The following ERC2 variants were observed in gnomAD, a reference collection of about 807,000 sequenced individuals.
The protein encoded by ERC2 is ERC protein 2.
In ERC2, 42 loss-of-function variants were observed where a neutral mutation model predicts 114.8. The observed-to-expected ratio is 0.37, with a 90% CI of 0.29 to 0.47. The LOEUF (loss-of-function observed/expected upper bound fraction) is 0.47. ERC2 is among the 20% of genes least tolerant of loss of function. The pLI, the probability that ERC2 is intolerant of heterozygous loss-of-function variation, is 0.99. For missense variants in ERC2, 939 were observed against 1,150.7 expected (o/e 0.82, Z 2.66); for synonymous variants, 454 against 425.5 (o/e 1.07, Z -0.82).
chr3:55,976,909 G>A (rs1030379562), intron 12 of ERC2, among the ~76,000 whole-genome samples: 1 of 152,152 alleles, frequency 6.6e-6, no homozygotes, highest in Admixed American at 6.5e-5. Flanking sequence ...TGAGGAGGTG[G>A]GGCCTTTTGG....
intron 17 of ERC2, among the ~76,000 whole-genome samples, chr3:55,667,456 T>C (rs938701442): frequency 9.9e-5 from 15 of 152,246 alleles, no homozygotes. Flanking sequence ...AATTTCACTT[T>C]AAAACAAGAG....
chr3:55,865,409 T>C (rs1277787041), intron 14 of ERC2, among the ~76,000 whole-genome samples: 1 of 152,190 alleles, frequency 6.6e-6, no homozygotes, highest in Non-Finnish European at 1.5e-5. Flanking sequence ...CTATAACTCG[T>C]ATGTCTTTGC....
chr3:55,632,053 T>G (rs890314051), intron 17 of ERC2, among the ~76,000 whole-genome samples: 1 of 152,220 alleles, frequency 6.6e-6, no homozygotes, highest in Non-Finnish European at 1.5e-5. Flanking sequence ...ATGCTTGACC[T>G]TGGAGTCTGC....
At chr3:55,670,149 A>AT (rs2148732204) in intron 17 of ERC2, among the ~76,000 whole-genome samples, 1 of 152,368 alleles carries the variant, frequency 6.6e-6, no homozygotes, top group South Asian at 2.1e-4. Context: ...AGATGAGGAC[A>AT]TTGGAAATTC....
chr3:55,751,753 C>T (rs1171282680), intron 14 of ERC2, among the ~76,000 whole-genome samples: 2 of 152,164 alleles, frequency 1.3e-5, no homozygotes, highest in African/African-American at 4.8e-5. Flanking sequence ...TGGGCTCCCT[C>T]ATACCCATCT....
intron 3 of ERC2, among the ~76,000 whole-genome samples, chr3:56,233,320 A>C (rs1369136977): frequency 1.3e-5 from 2 of 152,210 alleles, no homozygotes; most frequent in African/African-American, 4.8e-5. Context: ...CATAAATTTA[A>C]CAGCTTACAA....
chr3:55,874,415 G>A (rs542712834), intron 14 of ERC2, among the ~76,000 whole-genome samples: 2 of 152,172 alleles, frequency 1.3e-5, no homozygotes, highest in East Asian at 3.9e-4. Context: ...CATGTTGAAG[G>A]GTCATTTGAA....
chr3:56,313,029 T>TATATATATATATAG (rs2056678385), intron 2 of ERC2, among the ~76,000 whole-genome samples: 1 of 131,868 alleles, frequency 7.6e-6, no homozygotes, highest in Non-Finnish European at 1.6e-5. Flanking sequence ...TATATATATA[T>TATATATATATATAG]ATATATATGG....
chr3:56,335,704 G>C (rs1375756067), intron 2 of ERC2, among the ~76,000 whole-genome samples: 1 of 152,114 alleles, frequency 6.6e-6, no homozygotes, highest in Non-Finnish European at 1.5e-5. Context: ...GACCAAAAAA[G>C]CCATTTAAAC....
intron 17 of ERC2, among the ~76,000 whole-genome samples, chr3:55,616,159 A>G (rs1017219679): frequency 6.6e-6 from 1 of 152,178 alleles, no homozygotes; most frequent in Admixed American, 6.5e-5. Flanking sequence ...GCAAGACACT[A>G]TGGCAAAAGA....
intron 3 of ERC2, among the ~76,000 whole-genome samples, chr3:56,223,544 C>T (rs35431468): frequency 0.05 from 7,034 of 142,096 alleles, 312 homozygotes; most frequent in Admixed American, 0.13. Flanking sequence ...AAAAAAATGA[C>T]AACCATTTTA....
Position 56,232,134 on chromosome 3 carries a change from C to CTTT in ERC2, c.1075-58617_1075-58615dup, listed in dbSNP as rs1201613428. ...TACAGGCATGCACCACCACTCCTGGCTTTTTTTTTTTTTTTTTTGACAGAG... is the reference window on the plus strand; with the variant it reads ...TACAGGCATGCACCACCACTCCTGGCTTTTTTTTTTTTTTTTTTTTTGACAGAG... On this transcript the variant is annotated intron_variant, in intron 3 of 17. Coordinates refer to ENST00000288221, the MANE Select transcript of ERC2 (RefSeq NM_015576.3). Among the ~76,000 whole-genome samples, 114 of 128,114 alleles carry CTTT rather than the reference C, an allele frequency of 8.9e-4. 1 individual carries two copies. The highest frequency in any genetic ancestry group is 3.0e-3 in the African/African-American group (105 of 34,824). The allele number at this position is 128,114 out of a possible 152,430, so 84.0% of individuals were successfully genotyped here. A position where few individuals can be genotyped will look rare whatever the true frequency, so the allele number is the denominator to read the frequency against.
At chr3:55,953,098 G>A (rs1434616563) in intron 12 of ERC2, among the ~76,000 whole-genome samples, 7 of 151,892 alleles carry the variant, frequency 4.6e-5, no homozygotes, top group African/African-American at 1.2e-4. Context: ...CCAGGTACTC[G>A]GGAGGCTGAG....
At chr3:55,902,568 T>C (rs1283314154) in intron 13 of ERC2, among the ~76,000 whole-genome samples, 1 of 152,224 alleles carries the variant, frequency 6.6e-6, no homozygotes, top group Non-Finnish European at 1.5e-5. Context: ...AGCTGCATTT[T>C]AAAGCTAAAT....
At chr3:56,217,774 C>T (rs1432567740) in intron 3 of ERC2, among the ~76,000 whole-genome samples, 1 of 152,342 alleles carries the variant, frequency 6.6e-6, no homozygotes, top group South Asian at 2.1e-4. Flanking sequence ...CAGCATGGTA[C>T]TGGTATCAAA....
chr3:56,057,729 G>T (rs1489282766), intron 7 of ERC2, among the ~76,000 whole-genome samples: 1 of 152,112 alleles, frequency 6.6e-6, no homozygotes, highest in East Asian at 1.9e-4. Flanking sequence ...AGGCACTTGG[G>T]ATACGTCAGT....
At position 55,950,522 on chromosome 3, in the gene ERC2, T is replaced by C. The variant is rs369613120; in HGVS notation, c.2306A>G (p.Lys769Arg). 8 of 1,613,944 alleles carry C rather than the reference T, an allele frequency of 5.0e-6. No homozygotes were observed. The highest frequency in any genetic ancestry group is 4.0e-5 in the African/African-American group (3 of 74,948). The stretch of plus-strand genomic sequence containing the variant: ...CTTCTTTTCCAACTGTTGATTGTGC[T>C]TGAGGTTGGCCACCTTCTTATTCTG... ...KDQNKKVANL[K>R]HNQQLEKKKN... Residue 769 changes from lysine (K) to arginine (R), a missense_variant, in exon 13 of 18, where the codon AAG (lysine) becomes AGG (arginine). Around this residue, in one of 5 missense-constraint regions of ERC2, gnomAD observed 328 missense variants for 353.9 expected, o/e 0.93. Coordinates refer to ENST00000288221, the MANE Select transcript of ERC2 (RefSeq NM_015576.3).
intron 17 of ERC2, among the ~76,000 whole-genome samples, chr3:55,553,370 G>T (rs2055362393): frequency 6.6e-6 from 1 of 151,830 alleles, no homozygotes; most frequent in Non-Finnish European, 1.5e-5. Context: ...TTATTAAAAT[G>T]CACTGGCACT....
chr3:56,023,249 CT>C lies in ERC2; in HGVS notation c.1642-4219del, dbSNP rs542596523. 2.6e-4 allele frequency among the ~76,000 whole-genome samples: 39 copies of C among 152,238 alleles called. 1 individual carries two copies. The East Asian group carries it at 7.4e-3, about 29-fold the overall frequency. On this transcript the variant is annotated intron_variant, in intron 7 of 17. Coordinates refer to ENST00000288221, the MANE Select transcript of ERC2 (RefSeq NM_015576.3). ...AAGGTAACCTTCCCAAAATGCAACT[CT>C]AACTGCATGACTTCCTTCCTTAGAA...
Sources: gnomAD v4.1 joint callset for allele counts (sites outside exome capture counted in the v4.1 genomes callset) on GRCh38, gnomAD v4.1.1 for gene constraint, gnomAD v4.1.1 regional missense constraint, MANE v1.5 for transcripts, NCBI Gene and HGNC (gene_info 2026-07-23, HGNC 2026-07-21) for gene names.